Variants in SLC25A10 observed in about 807,000 individuals in gnomAD.
The protein encoded by SLC25A10 is solute carrier family 25 member 10.
SLC25A10 carries 32 observed loss-of-function variants against 40.4 expected under a neutral mutation model. That is an observed-to-expected ratio of 0.79 (90% CI 0.60 to 1.06). SLC25A10 has a LOEUF of 1.06. Among genes scored for constraint, SLC25A10 ranks in the 50% least tolerant of loss-of-function variants. The pLI is 0.00. For synonymous variants in SLC25A10, 181 were observed against 171.1 expected, an observed-to-expected ratio of 1.06 and a Z score of -0.45; for missense variants, 394 against 402.6, an observed-to-expected ratio of 0.98 and a Z score of 0.18.
chr17:81,716,059 T>C lies in SLC25A10; in HGVS notation c.419+9T>C. On this transcript the variant is annotated intron_variant, in intron 5 of 10. Coordinates refer to ENST00000350690, the MANE Select transcript of SLC25A10 (RefSeq NM_012140.5). The stretch of plus-strand genomic sequence containing the variant: ...CAGGGTCAGCGGCGCAAGTGAGTCA[T>C]GGGCGGCCTTCTCGGGGTGGTTGAG... 1 of 1,594,382 alleles carries C rather than the reference T, an allele frequency of 6.3e-7. No homozygotes were observed. Among genetic ancestry groups the C allele is most frequent in the Non-Finnish European group, 8.5e-7 (1 of 1,170,412 alleles).
At chr17:81,715,816 G>C in intron 4 of SLC25A10, 75 bp downstream of exon 4, 1 of 1,578,664 alleles carries the variant, frequency 6.3e-7, no homozygotes, top group Non-Finnish European at 8.7e-7. Context: ...TGCCAGGGCT[G>C]CTTGCAGGGT....
intron 8 of SLC25A10, 119 bp downstream of exon 8, chr17:81,717,610 G>A: frequency 1.5e-6 from 2 of 1,342,570 alleles, no homozygotes; most frequent in Non-Finnish European, 2.1e-6. Context: ...AGTGCCCCCT[G>A]GGGCTCATAA....
chr17:81,715,894 C>A, intron 4 of SLC25A10, 115 bp from the exon 5 acceptor site: 2 of 1,399,988 alleles, frequency 1.4e-6, no homozygotes, highest in South Asian at 1.2e-5. Flanking sequence ...TGTCCCTGAG[C>A]CCCGGCGTGC....
intron 9 of SLC25A10, 51 bp from the exon 10 acceptor site, chr17:81,719,780 C>G (rs770832414): frequency 1.9e-6 from 3 of 1,607,510 alleles, no homozygotes; most frequent in Non-Finnish European, 2.6e-6. Flanking sequence ...ATTTTCGTTG[C>G]CTTTTGGGTG....
rs78598736 is a variant in SLC25A10 at position 81,713,355 on chromosome 17, C to T, written c.93+836C>T. ...CTTTGCACAGTCTGCCCAGCAGGCC[C>T]TGCCCTGTGAACCTGGCTGTGGTCA... On this transcript the variant is annotated intron_variant, in intron 1 of 10. Transcript: ENST00000350690. 2,118 of 676,288 alleles carry T rather than the reference C, an allele frequency of 3.1e-3. 36 individuals carry two copies. The African/African-American group carries it at 0.037, about 12-fold the overall frequency. The allele number at this position is 676,288 out of a possible 1,614,324, so 41.9% of individuals were successfully genotyped here.
At chr17:81,715,155 A>G in intron 2 of SLC25A10, 83 bp downstream of exon 2, 4 of 1,550,484 alleles carry the variant, frequency 2.6e-6, no homozygotes, top group Non-Finnish European at 3.5e-6. Flanking sequence ...TCCCCTTTTC[A>G]AGACTTTGTG....
chr17:81,717,926 G>C (rs1459524936), intron 9 of SLC25A10, 65 bp downstream of exon 9: 2 of 1,307,330 alleles, frequency 1.5e-6, no homozygotes, highest in African/African-American at 2.9e-5. Context: ...CCTCTCCGGG[G>C]GGTGGACACT....
chr17:81,714,718 A>C (rs1385346633), intron 1 of SLC25A10, among the ~76,000 whole-genome samples: 1 of 152,246 alleles, frequency 6.6e-6, no homozygotes, highest in African/African-American at 2.4e-5. Flanking sequence ...GCCAATACTC[A>C]GGTGGTACGC....
intron 5 of SLC25A10, 111 bp downstream of exon 5, chr17:81,716,161 C>A (rs1598212442): frequency 5.0e-6 from 6 of 1,196,514 alleles, no homozygotes; most frequent in Non-Finnish European, 7.2e-6. Flanking sequence ...GGCCGAGGTG[C>A]CTGCACGGTC....
chr17:81,719,061 A>T (rs2037541373), intron 9 of SLC25A10, among the ~76,000 whole-genome samples: 1 of 147,438 alleles, frequency 6.8e-6, no homozygotes, highest in African/African-American at 2.5e-5. Flanking sequence ...CCTCCCAAGT[A>T]GCTGGGATTA....
At chr17:81,715,122 C>T in intron 2 of SLC25A10, 50 bp downstream of exon 2, 2 of 1,592,936 alleles carry the variant, frequency 1.3e-6, no homozygotes, top group Non-Finnish European at 1.7e-6. Flanking sequence ...CTGAGTCCTG[C>T]AGTGGCATCC....
At chr17:81,717,586 C>A in intron 8 of SLC25A10, 95 bp downstream of exon 8, 1 of 1,458,690 alleles carries the variant, frequency 6.9e-7, no homozygotes, top group Non-Finnish European at 9.6e-7. Flanking sequence ...AGGCGGGGGC[C>A]TTGGGCATCT....
rs753045001 is a variant in SLC25A10, at chr17:81,715,968, C to T, written c.378-41C>T. 1.9e-6 allele frequency: 3 copies of T among 1,550,908 alleles called. No individual in the cohort carries two copies. The East Asian group carries it at 7.2e-5, about 37-fold the overall frequency. On this transcript the variant is annotated intron_variant, in intron 4 of 10. Coordinates refer to ENST00000350690, the MANE Select transcript of SLC25A10 (RefSeq NM_012140.5). Reference sequence around the variant, plus strand: ...TGTGCTGCCAGGGCTGCCCATGCCCCTCGGCCCGCCCGCCCCTCCCGCCAC... The same window carrying T: ...TGTGCTGCCAGGGCTGCCCATGCCCTTCGGCCCGCCCGCCCCTCCCGCCAC...
chr17:81,716,157 G>A, intron 5 of SLC25A10, 107 bp downstream of exon 5: 1 of 1,271,110 alleles, frequency 7.9e-7, no homozygotes. Flanking sequence ...AGCAGGCCGA[G>A]GTGCCTGCAC....
At chr17:81,718,577 C>CCCT (rs2037530856) in intron 9 of SLC25A10, among the ~76,000 whole-genome samples, 1 of 151,938 alleles carries the variant, frequency 6.6e-6, no homozygotes, top group South Asian at 2.1e-4. Flanking sequence ...ATCCCTTGAG[C>CCCT]CCAGGATGTC....
In SLC25A10 at chr17:81,720,362, C is replaced by T; in HGVS notation, c.*285C>T. The T allele has an allele frequency of 7.1e-7, 1 of 1,412,108 alleles. No individual in the cohort carries two copies. Among genetic ancestry groups the T allele is most frequent in the Non-Finnish European group, 9.2e-7 (1 of 1,089,396 alleles). 87.5% of individuals were successfully genotyped at this position (1,412,108 alleles called of 1,614,324 possible). A position where few individuals can be genotyped will look rare whatever the true frequency, so the allele number is the denominator to read the frequency against. ...CAGCTCCTCAGGGGAACAGGGGCTACCAGAGGCTGATTTCTCCCCTCTCCT... is the reference window on the plus strand; with the variant it reads ...CAGCTCCTCAGGGGAACAGGGGCTATCAGAGGCTGATTTCTCCCCTCTCCT... On this transcript the variant is annotated 3_prime_UTR_variant, in exon 11 of 11. Transcript: ENST00000350690.
intron 5 of SLC25A10, 157 bp from the exon 6 acceptor site, chr17:81,716,655 C>T (rs756658602): frequency 9.0e-5 from 64 of 709,748 alleles, no homozygotes; most frequent in Non-Finnish European, 1.1e-4. Flanking sequence ...GGCTGTGGGA[C>T]GTCAGGACCA....
rs187732673 is a variant in SLC25A10 at position 81,719,077 on chromosome 17, G to A, written c.706-754G>A. On this transcript the variant is annotated intron_variant, in intron 9 of 10. Coordinates refer to ENST00000350690, the MANE Select transcript of SLC25A10 (RefSeq NM_012140.5). ...CTCCCAAGTAGCTGGGATTACAGGC[G>A]CCCGCCACCATGCCCGGCTAATTTT... 5.3e-5 allele frequency among the ~76,000 whole-genome samples: 8 copies of A among 150,202 alleles called. No homozygotes were observed. In the East Asian group the frequency reaches 1.4e-3, roughly 26 times the overall value.
At chr17:81,715,651 G>A (rs1252320325) in intron 3 of SLC25A10, 42 bp from the exon 4 acceptor site, 11 of 1,612,834 alleles carry the variant, frequency 6.8e-6, no homozygotes, top group South Asian at 2.2e-5. Flanking sequence ...CGAGGACGCC[G>A]TGTGTCAGCA....
Sources: allele counts gnomAD v4.1 joint callset (sites outside exome capture counted in the v4.1 genomes callset), GRCh38; gene constraint gnomAD v4.1.1; transcripts MANE v1.5; gene names NCBI Gene and HGNC (gene_info 2026-07-23, HGNC 2026-07-21).